ABCG2: variants seen among roughly 807,000 people sequenced by gnomAD.
ABCG2 encodes ATP binding cassette subfamily G member 2 (JR blood group).
ABCG2 carries 80 observed loss-of-function variants against 73.5 expected under a neutral mutation model. The ratio of observed to expected loss-of-function variants is 1.09; its 90% CI spans 0.91 to 1.31. The LOEUF is 1.31. Among genes scored for constraint, ABCG2 ranks in the 50% most tolerant of loss-of-function variants. ABCG2 has a pLI of 0.00. For synonymous variants in ABCG2, 269 were observed against 282.4 expected, an observed-to-expected ratio of 0.95 and a Z score of 0.48; for missense variants, 796 against 786.2, an observed-to-expected ratio of 1.01 and a Z score of -0.15.
intron 1 of ABCG2, among the ~76,000 whole-genome samples, chr4:88,219,332 C>T (rs2110129473): frequency 6.6e-6 from 1 of 152,102 alleles, no homozygotes; most frequent in African/African-American, 2.4e-5. Context: ...ATCTTATGCT[C>T]GAAAAGCTTA....
intron 13 of ABCG2, among the ~76,000 whole-genome samples, chr4:88,096,627 G>A (rs1722002575): frequency 6.6e-6 from 1 of 152,002 alleles, no homozygotes; most frequent in Non-Finnish European, 1.5e-5. Context: ...TACTCTAGCA[G>A]ACAGGACATG....
intron 13 of ABCG2, 90 bp from the exon 14 acceptor site, chr4:88,095,699 G>A: frequency 9.8e-7 from 1 of 1,021,944 alleles, no homozygotes; most frequent in Non-Finnish European, 1.5e-6. Context: ...CTACCACTTT[G>A]TAAGTATTTC....
intron 5 of ABCG2, among the ~76,000 whole-genome samples, chr4:88,128,543 T>C (rs535929255): frequency 2.6e-5 from 4 of 152,114 alleles, no homozygotes; most frequent in Non-Finnish European, 5.9e-5. Flanking sequence ...AATGATAGAC[T>C]GAATAAAGAA....
chr4:88,214,681 T>G (rs1193580809), intron 1 of ABCG2, among the ~76,000 whole-genome samples: 1 of 151,668 alleles, frequency 6.6e-6, no homozygotes, highest in African/African-American at 2.4e-5. Context: ...GCAACAAAGA[T>G]CCCATCTCTA....
At chr4:88,137,227 G>A (rs953190626) in intron 2 of ABCG2, among the ~76,000 whole-genome samples, 22 of 152,184 alleles carry the variant, frequency 1.4e-4, no homozygotes, top group African/African-American at 4.1e-4. Flanking sequence ...ATAGATGAAG[G>A]TTTTTCCTTT....
chr4:88,129,309 T>C (rs920504590), intron 5 of ABCG2, among the ~76,000 whole-genome samples: 1 of 152,220 alleles, frequency 6.6e-6, no homozygotes, highest in Non-Finnish European at 1.5e-5. Flanking sequence ...TATAGCCATA[T>C]CATTACTATA....
At chr4:88,168,359 C>G (rs758295291) in intron 1 of ABCG2, among the ~76,000 whole-genome samples, 2 of 151,814 alleles carry the variant, frequency 1.3e-5, no homozygotes, top group African/African-American at 4.8e-5. Context: ...TGGTGGCATG[C>G]GCCTGTAGTC....
intron 1 of ABCG2, among the ~76,000 whole-genome samples, chr4:88,225,856 CA>C (rs1169180143): frequency 3.3e-5 from 5 of 152,058 alleles, no homozygotes; most frequent in Admixed American, 1.3e-4. Context: ...TGGTGGAGGG[CA>C]AAAGGCACAT....
intron 10 of ABCG2, among the ~76,000 whole-genome samples, chr4:88,102,455 G>GCC (rs1722491192): frequency 6.6e-6 from 1 of 151,926 alleles, no homozygotes; most frequent in African/African-American, 2.4e-5. Context: ...AATTAGCTGG[G>GCC]CGTGGTGGCA....
At chr4:88,155,414 T>C (rs1303590160) in intron 1 of ABCG2, among the ~76,000 whole-genome samples, 2 of 152,134 alleles carry the variant, frequency 1.3e-5, no homozygotes, top group East Asian at 3.9e-4. Context: ...CTTGAGGCAG[T>C]ACAGAGCCAG....
intron 1 of ABCG2, among the ~76,000 whole-genome samples, chr4:88,154,249 CCTTGCAGTGAATGACTCCAG>C (rs1004726366): frequency 5.3e-5 from 8 of 152,200 alleles, no homozygotes; most frequent in Middle Eastern, 3.4e-3. Flanking sequence ...TTTTGATGGC[CCTTGCAGTGAATGACTCCAG>C]CTTCCTTTGG....
chr4:88,197,244 C>A, intron 1 of ABCG2, among the ~76,000 whole-genome samples: 1 of 149,694 alleles, frequency 6.7e-6, no homozygotes, highest in African/African-American at 2.5e-5. Flanking sequence ...ATAGTTTGAC[C>A]AGAAAAAGCA....
intron 1 of ABCG2, among the ~76,000 whole-genome samples, chr4:88,182,260 T>C (rs1332145552): frequency 1.3e-5 from 2 of 152,150 alleles, no homozygotes; most frequent in East Asian, 3.8e-4. Context: ...AAGCAAATAT[T>C]ATTAGAGCTA....
At chr4:88,106,097 T>C (rs937297165) in intron 10 of ABCG2, among the ~76,000 whole-genome samples, 12 of 152,166 alleles carry the variant, frequency 7.9e-5, no homozygotes, top group African/African-American at 2.4e-5. Flanking sequence ...ATTCTGGGTA[T>C]ATATCCGAAG....
intron 1 of ABCG2, among the ~76,000 whole-genome samples, chr4:88,230,160 T>C (rs1238082012): frequency 6.7e-6 from 1 of 149,482 alleles, no homozygotes; most frequent in African/African-American, 2.5e-5. Flanking sequence ...GCCCAGCTAA[T>C]TGTTGTATTT....
intron 6 of ABCG2, 82 bp downstream of exon 6, chr4:88,121,553 T>C: frequency 7.5e-7 from 1 of 1,332,214 alleles, no homozygotes. Context: ...TTTGATCATT[T>C]CTGAACCCCC....
At position 88,115,009 on chromosome 4, in the gene ABCG2, G is replaced by T; in HGVS notation, c.891C>A (p.Ile297=). The change falls in exon 8 of 16, where the codon ATC becomes ATA. Residue 297 remains isoleucine, a synonymous_variant. Coordinates refer to ENST00000237612, the MANE Select transcript of ABCG2 (RefSeq NM_004827.3). ...CCACAGCAGTGGAATCTCCATTAAT[G>T]ATGTCCAAGAAGAAGTCTGCAGGGT... is the stretch of plus-strand genomic sequence containing the variant. ...YNNPADFFLD[I]INGDSTAVAL... The T allele has an allele frequency of 1.9e-6, 3 of 1,613,240 alleles. No homozygotes were observed. Among genetic ancestry groups the T allele is most frequent in the Non-Finnish European group, 2.5e-6 (3 of 1,179,580 alleles).
Position 88,158,546 on chromosome 4 carries a change from A to C in ABCG2, c.-180T>G. 1 of 456,400 alleles carries C rather than the reference A, an allele frequency of 2.2e-6. No individual in the cohort carries two copies. Among genetic ancestry groups the C allele is most frequent in the Non-Finnish European group, 4.4e-6 (1 of 226,950 alleles). The allele number at this position is 456,400 out of a possible 1,614,324, so 28.3% of individuals were successfully genotyped here. On this transcript the variant is annotated 5_prime_UTR_variant, in exon 1 of 16. Transcript: ENST00000237612. ...CAGTTTCCACTTAACAAGACCACCAAGCATGTGCACGGTGCGTTCCTAAAT... is the reference window on the plus strand; with the variant it reads ...CAGTTTCCACTTAACAAGACCACCACGCATGTGCACGGTGCGTTCCTAAAT...
At chr4:88,165,974 A>G (rs2110089594) in intron 1 of ABCG2, among the ~76,000 whole-genome samples, 1 of 152,254 alleles carries the variant, frequency 6.6e-6, no homozygotes, top group East Asian at 1.9e-4. Context: ...TTCACATTCT[A>G]GGGAATAAGA....
Sources: gnomAD v4.1 joint callset for allele counts (sites outside exome capture counted in the v4.1 genomes callset) on GRCh38, gnomAD v4.1.1 for gene constraint, MANE v1.5 for transcripts, NCBI Gene and HGNC (gene_info 2026-07-23, HGNC 2026-07-21) for gene names.